The following ALKAL1 variants were observed in gnomAD, a reference collection of about 807,000 sequenced individuals.
ALKAL1 encodes the protein ALK and LTK ligand 1.
In ALKAL1, 23 loss-of-function variants were observed where a neutral mutation model predicts 13.5. The observed-to-expected ratio is 1.70, with a 90% CI of 1.23 to 2.41. The LOEUF is 2.41. ALKAL1 is among the 30% of genes most tolerant of loss of function. The pLI, the probability that ALKAL1 is intolerant of heterozygous loss-of-function variation, is 0.00. For missense variants in ALKAL1, 181 were observed against 178.4 expected (o/e 1.01, Z -0.08); for synonymous variants, 85 against 77.7 (o/e 1.09, Z -0.49).
intron 1 of ALKAL1, among the ~76,000 whole-genome samples, chr8:52,554,883 C>T (rs1186804120): frequency 6.6e-6 from 1 of 152,138 alleles, no homozygotes; most frequent in African/African-American, 2.4e-5. Flanking sequence ...AAGATAAAGG[C>T]CGACAGGGCC....
At chr8:52,554,630 G>C (rs1590869231) in intron 1 of ALKAL1, among the ~76,000 whole-genome samples, 1 of 152,164 alleles carries the variant, frequency 6.6e-6, no homozygotes, top group Non-Finnish European at 1.5e-5. Context: ...CGAATTTAAA[G>C]GACAAGGTAA....
intron 1 of ALKAL1, among the ~76,000 whole-genome samples, chr8:52,543,171 C>T (rs12679128): frequency 2.0e-5 from 3 of 152,330 alleles, no homozygotes; most frequent in East Asian, 3.9e-4. Context: ...TACAAACAAT[C>T]GGGAGCATGT....
intron 3 of ALKAL1, among the ~76,000 whole-genome samples, chr8:52,538,857 C>T (rs1409766666): frequency 6.6e-6 from 1 of 152,030 alleles, no homozygotes; most frequent in African/African-American, 2.4e-5. Flanking sequence ...CCATTTAATA[C>T]AAGTTGTTTT....
At chr8:52,541,660 T>G (rs1399410653) in intron 2 of ALKAL1, among the ~76,000 whole-genome samples, 1 of 152,014 alleles carries the variant, frequency 6.6e-6, no homozygotes, top group Admixed American at 6.6e-5. Flanking sequence ...TCCCAGCTAT[T>G]TGGGAGGCTG....
intron 1 of ALKAL1, among the ~76,000 whole-genome samples, chr8:52,546,606 A>G (rs990696978): frequency 1.3e-5 from 2 of 152,144 alleles, no homozygotes; most frequent in African/African-American, 4.8e-5. Flanking sequence ...TTCATAAGCA[A>G]CTTCCTTTTC....
chr8:52,559,901 T>C (rs1311719515), intron 1 of ALKAL1, among the ~76,000 whole-genome samples: 1 of 152,144 alleles, frequency 6.6e-6, no homozygotes, highest in Non-Finnish European at 1.5e-5. Flanking sequence ...ATTATTTTAG[T>C]TTCAAAGTTA....
rs370755131 is a variant in ALKAL1 at position 52,546,796 on chromosome 8, G to A, written c.191-4351C>T. Among the ~76,000 whole-genome samples the A allele has an allele frequency of 9.2e-5, 14 of 152,202 alleles. No homozygotes were observed. The East Asian group carries it at 2.7e-3, about 29-fold the overall frequency. ...TTTTCCTTTGTTCAGGTGTATTGTTGCCATTGTTCCATCTGTGAGGGGCAC... is the reference window on the plus strand; with the variant it reads ...TTTTCCTTTGTTCAGGTGTATTGTTACCATTGTTCCATCTGTGAGGGGCAC... On this transcript the variant is annotated intron_variant, in intron 1 of 4. Coordinates refer to ENST00000358543, the MANE Select transcript of ALKAL1 (RefSeq NM_207413.4).
At chr8:52,536,341 G>A (rs1462345389) in intron 4 of ALKAL1, among the ~76,000 whole-genome samples, 1 of 152,034 alleles carries the variant, frequency 6.6e-6, no homozygotes, top group African/African-American at 2.4e-5. Context: ...AAGTTGACTT[G>A]GTACTACACT....
At chr8:52,551,944 A>G (rs1847434737) in intron 1 of ALKAL1, among the ~76,000 whole-genome samples, 1 of 152,178 alleles carries the variant, frequency 6.6e-6, no homozygotes, top group Non-Finnish European at 1.5e-5. Flanking sequence ...TATTATTAAC[A>G]TTACATTAGT....
At chr8:52,557,895 G>A (rs1284670539) in intron 1 of ALKAL1, among the ~76,000 whole-genome samples, 1 of 151,580 alleles carries the variant, frequency 6.6e-6, no homozygotes, top group Non-Finnish European at 1.5e-5. Flanking sequence ...TGAGGTGGGA[G>A]GTCGAGGCTG....
At chr8:52,557,302 A>G (rs568919063) in intron 1 of ALKAL1, among the ~76,000 whole-genome samples, 1 of 152,274 alleles carries the variant, frequency 6.6e-6, no homozygotes, top group Admixed American at 6.5e-5. Context: ...CTCTGTTGTT[A>G]TATCTTCACA....
chr8:52,563,984 G>A (rs1847576145), intron 1 of ALKAL1, among the ~76,000 whole-genome samples: 1 of 152,226 alleles, frequency 6.6e-6, no homozygotes, highest in African/African-American at 2.4e-5. Flanking sequence ...AAAGTTTGTG[G>A]AGTGAATAAG....
At chr8:52,547,922 C>G (rs1015924491) in intron 1 of ALKAL1, among the ~76,000 whole-genome samples, 2 of 152,222 alleles carry the variant, frequency 1.3e-5, no homozygotes, top group African/African-American at 4.8e-5. Context: ...AGATACTTTA[C>G]TTTTTTGCAC....
chr8:52,555,800 C>T (rs34380205), intron 1 of ALKAL1, among the ~76,000 whole-genome samples: 2 of 152,120 alleles, frequency 1.3e-5, no homozygotes, highest in African/African-American at 4.8e-5. Context: ...ACATTTTCCC[C>T]GTTCCTCCTT....
At chr8:52,540,150 T>C (rs1203678561) in intron 2 of ALKAL1, among the ~76,000 whole-genome samples, 1 of 152,148 alleles carries the variant, frequency 6.6e-6, no homozygotes, top group Non-Finnish European at 1.5e-5. Context: ...AATCTTCACA[T>C]TTAGGAGAAC....
At chr8:52,549,124 C>T (rs1283119052) in intron 1 of ALKAL1, among the ~76,000 whole-genome samples, 1 of 152,014 alleles carries the variant, frequency 6.6e-6, no homozygotes, top group South Asian at 2.1e-4. Context: ...TTGTAAGGTA[C>T]TATGGAACAT....
At chr8:52,544,599 AG>A (rs1393394814) in intron 1 of ALKAL1, among the ~76,000 whole-genome samples, 1 of 152,110 alleles carries the variant, frequency 6.6e-6, no homozygotes, top group Non-Finnish European at 1.5e-5. Flanking sequence ...CCGTTGAGGG[AG>A]GGAGGGAATG....
chr8:52,563,144 A>G (rs907290098), intron 1 of ALKAL1, among the ~76,000 whole-genome samples: 1 of 152,238 alleles, frequency 6.6e-6, no homozygotes, highest in Non-Finnish European at 1.5e-5. Flanking sequence ...ATGGCCGGGC[A>G]TAGTGGCTCA....
Position 52,534,073 on chromosome 8 carries a change from C to T in ALKAL1, c.*540G>A, listed in dbSNP as rs1023918148. 4 of 152,184 alleles carry T rather than the reference C, an allele frequency of 2.6e-5. No individual in the cohort carries two copies. Among genetic ancestry groups the T allele is most frequent in the African/African-American group, 9.7e-5 (4 of 41,440 alleles). The allele number at this position is 152,184 out of a possible 1,614,324, so 9.4% of individuals were successfully genotyped here. ...CATCTTTAATTCAAAGGAAACAACACATTTTTTCATATTTCAACTTTAATA... is the reference window on the plus strand; with the variant it reads ...CATCTTTAATTCAAAGGAAACAACATATTTTTTCATATTTCAACTTTAATA... On this transcript the variant is annotated 3_prime_UTR_variant, in exon 5 of 5. Coordinates refer to ENST00000358543, the MANE Select transcript of ALKAL1 (RefSeq NM_207413.4).
Sources: gnomAD v4.1 joint callset for allele counts (sites outside exome capture counted in the v4.1 genomes callset) on GRCh38, gnomAD v4.1.1 for gene constraint, MANE v1.5 for transcripts, NCBI Gene and HGNC (gene_info 2026-07-23, HGNC 2026-07-21) for gene names.